The following CEP170 variants were observed in gnomAD, a reference collection of about 807,000 sequenced individuals.
The protein encoded by CEP170 is centrosomal protein of 170 kDa.
CEP170 carries 21 observed loss-of-function variants against 151.9 expected under a neutral mutation model. The ratio of observed to expected loss-of-function variants is 0.14; its 90% CI spans 0.10 to 0.20. The LOEUF (loss-of-function observed/expected upper bound fraction) is 0.20, where lower values mean the gene tolerates loss of function less well. Among genes scored for constraint, CEP170 ranks in the 10% least tolerant of loss-of-function variants. The pLI is 1.00. For synonymous variants in CEP170, 356 were observed against 648.8 expected (o/e 0.55, Z 6.86); for missense variants, 964 against 1,892.9 (o/e 0.51, Z 9.11).
chr1:243,199,205 G>A lies in CEP170; in HGVS notation c.497-11C>T. The A allele has an allele frequency of 6.2e-7, 1 of 1,607,710 alleles. No individual in the cohort carries two copies. ...GCATAGCAGAAATATCTGGAAAGAG[G>A]TGGGAAAAATCTGTCTAAAGCAGAT... is the stretch of plus-strand genomic sequence containing the variant. On this transcript the variant is annotated splice_polypyrimidine_tract_variant and intron_variant, in intron 6 of 19. Transcript: ENST00000366542.
At chr1:243,174,250 A>G (rs1380103147) in intron 10 of CEP170, among the ~76,000 whole-genome samples, 1 of 151,410 alleles carries the variant, frequency 6.6e-6, no homozygotes, top group Non-Finnish European at 1.5e-5. Context: ...GCATATAAAT[A>G]TTAACATTCT....
At chr1:243,138,889 C>T (rs1413729436) in intron 16 of CEP170, among the ~76,000 whole-genome samples, 1 of 152,140 alleles carries the variant, frequency 6.6e-6, no homozygotes, top group Non-Finnish European at 1.5e-5. Flanking sequence ...TAGTGTCAAA[C>T]TGTTTTCCAG....
rs184732320 is a variant in CEP170 at position 243,198,457 on chromosome 1, G to A, written c.631+603C>T. 2.4e-3 allele frequency among the ~76,000 whole-genome samples: 368 copies of A among 152,136 alleles called. 4 individuals carry two copies. Among genetic ancestry groups the A allele is most frequent in the African/African-American group, 6.5e-3 (269 of 41,502 alleles). On this transcript the variant is annotated intron_variant, in intron 7 of 19. Transcript: ENST00000366542. ...ATTACAATGAGCACACTGAGGTTTTGAAGAATTTGTAATTTCATATCACAT... is the reference window on the plus strand; with the variant it reads ...ATTACAATGAGCACACTGAGGTTTTAAAGAATTTGTAATTTCATATCACAT...
chr1:243,132,473 A>T (rs913551393), intron 17 of CEP170, among the ~76,000 whole-genome samples: 7 of 152,224 alleles, frequency 4.6e-5, no homozygotes, highest in Admixed American at 2.6e-4. Flanking sequence ...ATTACCTTCC[A>T]TAAAGCCTGC....
At chr1:243,134,656 C>G (rs933110369) in intron 17 of CEP170, among the ~76,000 whole-genome samples, 1 of 151,556 alleles carries the variant, frequency 6.6e-6, no homozygotes, top group African/African-American at 2.4e-5. Context: ...TGCCACCATG[C>G]CCAGCCAATT....
Position 243,126,253 on chromosome 1 carries a change from C to T in CEP170, c.*196G>A. 1 of 702,934 alleles carries T rather than the reference C, an allele frequency of 1.4e-6. No individual in the cohort carries two copies. The highest frequency in any genetic ancestry group is 2.6e-6 in the Non-Finnish European group (1 of 385,694). The allele number at this position is 702,934 out of a possible 1,614,324, so 43.5% of individuals were successfully genotyped here. ...AATCTGCTTTTTCCTATTTGTGCAT[C>T]AAGTGGTTATCTAAATAGTTTGAAA... On this transcript the variant is annotated 3_prime_UTR_variant, in exon 20 of 20. Coordinates refer to ENST00000366542, the MANE Select transcript of CEP170 (RefSeq NM_014812.3).
Position 243,224,274 on chromosome 1 carries a change from T to C in CEP170, c.105+902A>G, listed in dbSNP as rs574525708. On this transcript the variant is annotated intron_variant, in intron 2 of 19. Transcript: ENST00000366542. Reference sequence around the variant, plus strand: ...TGATCTGAGCTTAAAACTGCAAAGATAGGCAATTTTGACCAGGCCCTTTTT... The same window carrying C: ...TGATCTGAGCTTAAAACTGCAAAGACAGGCAATTTTGACCAGGCCCTTTTT... Among the ~76,000 whole-genome samples the C allele has an allele frequency of 1.2e-4, 19 of 152,318 alleles. 1 individual carries two copies. In the South Asian group the frequency reaches 3.5e-3, roughly 28 times the overall value.
At position 243,125,570 on chromosome 1, in the gene CEP170, A is replaced by G. The variant is rs1489914431; in HGVS notation, c.*879T>C. The G allele has an allele frequency of 3.9e-5, 6 of 153,076 alleles. No homozygotes were observed. Among genetic ancestry groups the G allele is most frequent in the Non-Finnish European group, 7.3e-5 (5 of 68,472 alleles). 9.5% of individuals were successfully genotyped at this position (153,076 alleles called of 1,614,324 possible). A position where few individuals can be genotyped will look rare whatever the true frequency, so the allele number is the denominator to read the frequency against. ...CCAATATACATGTTCTGAGTTTTAA[A>G]AATATACTCCACCTAAACTATCTGT... On this transcript the variant is annotated 3_prime_UTR_variant, in exon 20 of 20. Transcript: ENST00000366542.
intron 1 of CEP170, among the ~76,000 whole-genome samples, chr1:243,243,980 C>T (rs775268757): frequency 2.0e-5 from 3 of 152,122 alleles, no homozygotes; most frequent in Non-Finnish European, 4.4e-5. Flanking sequence ...CCAGTATGTT[C>T]ATTTTTTAAC....
chr1:243,178,582 T>A (rs986374468), intron 10 of CEP170, among the ~76,000 whole-genome samples: 4 of 152,180 alleles, frequency 2.6e-5, no homozygotes, highest in Non-Finnish European at 4.4e-5. Context: ...GCCCTGAAAT[T>A]AAGATAGTGC....
chr1:243,154,682 A>G (rs1270938276), intron 14 of CEP170, among the ~76,000 whole-genome samples: 1 of 152,258 alleles, frequency 6.6e-6, no homozygotes, highest in Non-Finnish European at 1.5e-5. Context: ...GCCATAGATA[A>G]TAAAAAGTAC....
At chr1:243,170,866 G>A (rs1271221540) in intron 11 of CEP170, among the ~76,000 whole-genome samples, 3 of 152,212 alleles carry the variant, frequency 2.0e-5, no homozygotes, top group Non-Finnish European at 2.9e-5. Context: ...AAAGCCTGCT[G>A]CATCCTTAAT....
At chr1:243,196,945 T>G (rs1037861714) in intron 7 of CEP170, among the ~76,000 whole-genome samples, 1 of 152,046 alleles carries the variant, frequency 6.6e-6, no homozygotes, top group Admixed American at 6.6e-5. Flanking sequence ...GGGGGATGCA[T>G]TGGGAGAGAC....
chr1:243,180,734 C>T lies in CEP170; in HGVS notation c.1566+5045G>A, dbSNP rs149073491. The stretch of plus-strand genomic sequence containing the variant: ...GGAATATTTTTACAGGGTCCAGATC[C>T]GCAGCACTGACTTTCTTGAGCTGTT... On this transcript the variant is annotated intron_variant, in intron 10 of 19. Coordinates refer to ENST00000366542, the MANE Select transcript of CEP170 (RefSeq NM_014812.3). Among the ~76,000 whole-genome samples, 197 of 152,240 alleles carry T rather than the reference C, an allele frequency of 1.3e-3. 2 individuals carry two copies. The highest frequency in any genetic ancestry group is 4.3e-3 in the African/African-American group (179 of 41,532).
At chr1:243,194,135 A>G (rs1422326281) in intron 7 of CEP170, among the ~76,000 whole-genome samples, 1 of 151,790 alleles carries the variant, frequency 6.6e-6, no homozygotes, top group African/African-American at 2.4e-5. Flanking sequence ...AACCTTGGGC[A>G]GGGTACAAAA....
At chr1:243,176,542 A>G (rs2059269387) in intron 10 of CEP170, among the ~76,000 whole-genome samples, 1 of 148,498 alleles carries the variant, frequency 6.7e-6, no homozygotes, top group East Asian at 2.0e-4. Flanking sequence ...TGGGGTAAGA[A>G]GGCAGTACCT....
intron 7 of CEP170, among the ~76,000 whole-genome samples, chr1:243,195,857 A>G (rs1186461147): frequency 6.6e-6 from 1 of 152,020 alleles, no homozygotes; most frequent in Non-Finnish European, 1.5e-5. Context: ...AATCTGAAAC[A>G]GTAATATCCT....
At chr1:243,238,263 A>T (rs1021686549) in intron 1 of CEP170, among the ~76,000 whole-genome samples, 1 of 152,172 alleles carries the variant, frequency 6.6e-6, no homozygotes, top group Non-Finnish European at 1.5e-5. Flanking sequence ...CAACCTAGGC[A>T]ACAAAGTGAC....
intron 3 of CEP170, among the ~76,000 whole-genome samples, chr1:243,220,105 G>T (rs1192047097): frequency 6.6e-6 from 1 of 152,154 alleles, no homozygotes; most frequent in Non-Finnish European, 1.5e-5. Context: ...AACATCAGCA[G>T]GTTAAAATTC....
Sources: gnomAD v4.1 joint callset for allele counts (sites outside exome capture counted in the v4.1 genomes callset) on GRCh38, gnomAD v4.1.1 for gene constraint, MANE v1.5 for transcripts, NCBI Gene and HGNC (gene_info 2026-07-23, HGNC 2026-07-21) for gene names.